CACNG5: variants seen among roughly 807,000 people sequenced by gnomAD.
The protein encoded by CACNG5 is voltage-dependent calcium channel gamma-5 subunit.
A neutral mutation model predicts 24.8 loss-of-function variants in CACNG5; 18 were observed. The ratio of observed to expected loss-of-function variants is 0.73; its 90% CI spans 0.50 to 1.08. The LOEUF (loss-of-function observed/expected upper bound fraction) is 1.08, where lower values mean the gene tolerates loss of function less well. CACNG5 is among the 50% of genes least tolerant of loss of function. CACNG5 has a pLI of 0.00. For synonymous variants in CACNG5, 157 were observed against 149.1 expected (o/e 1.05, Z -0.39); for missense variants, 349 against 367.9 (o/e 0.95, Z 0.42).
chr17:66,862,493 A>C (rs946461626), intron 1 of CACNG5, among the ~76,000 whole-genome samples: 1 of 152,002 alleles, frequency 6.6e-6, no homozygotes, highest in Non-Finnish European at 1.5e-5. Flanking sequence ...GCACATACAT[A>C]AACACATATA....
At chr17:66,860,009 G>T (rs554079964) in intron 1 of CACNG5, among the ~76,000 whole-genome samples, 3 of 152,224 alleles carry the variant, frequency 2.0e-5, no homozygotes, top group Admixed American at 6.5e-5. Context: ...CTTATCTTAG[G>T]CAAGAAGCTG....
chr17:66,871,457 T>C (rs1977005764), intron 1 of CACNG5, among the ~76,000 whole-genome samples: 1 of 152,164 alleles, frequency 6.6e-6, no homozygotes, highest in African/African-American at 2.4e-5. Flanking sequence ...ATAACTGGGC[T>C]CTCACTTGCT....
Position 66,885,549 on chromosome 17 carries a change from G to T in CACNG5, c.*309G>T. ...GCTCCCCCCAAGCCCAGGAGACACCGATGTTCCCTTTGTATATTCTTCCTG... is the reference window on the plus strand; with the variant it reads ...GCTCCCCCCAAGCCCAGGAGACACCTATGTTCCCTTTGTATATTCTTCCTG... On this transcript the variant is annotated 3_prime_UTR_variant, in exon 6 of 6. Coordinates refer to ENST00000533854, the MANE Select transcript of CACNG5 (RefSeq NM_145811.3). 1 of 370,938 alleles carries T rather than the reference G, an allele frequency of 2.7e-6. No individual in the cohort carries two copies. The highest frequency in any genetic ancestry group is 4.9e-6 in the Non-Finnish European group (1 of 205,930). 23.0% of individuals were successfully genotyped at this position (370,938 alleles called of 1,614,324 possible). A position where few individuals can be genotyped will look rare whatever the true frequency, so the allele number is the denominator to read the frequency against.
chr17:66,877,004 T>C (rs987645129), intron 1 of CACNG5, among the ~76,000 whole-genome samples: 11 of 152,044 alleles, frequency 7.2e-5, no homozygotes, highest in Non-Finnish European at 1.3e-4. Flanking sequence ...AATGAATGAA[T>C]GAATGAATGA....
Position 66,884,680 on chromosome 17 carries a change from A to C in CACNG5, c.570+19A>C. The C allele has an allele frequency of 6.2e-6, 10 of 1,614,200 alleles. No homozygotes were observed. The highest frequency in any genetic ancestry group is 8.5e-6 in the Non-Finnish European group (10 of 1,180,032). On this transcript the variant is annotated intron_variant, in intron 5 of 5. Transcript: ENST00000533854. ...AACGGAGGTAAAGCCCGTCACCCTA[A>C]GTATGGATAGGCTGGGCCTGGGCAC...
chr17:66,877,511 G>A lies in CACNG5; in HGVS notation c.179G>A (p.Arg60Gln), dbSNP rs749015036. Residue 60 changes from arginine to glutamine, a missense_variant, in exon 2 of 6, where the codon CGG (arginine) becomes CAG (glutamine). Transcript: ENST00000533854. ...IKMSLHSGLWRVCFLAGEERG... is the reference protein window; with the variant it reads ...IKMSLHSGLWQVCFLAGEERG... ...ATGTCCCTGCACTCAGGCCTCTGGC[G>A]GGTCTGCTTCCTTGCAGGTAAGGGT... 2.9e-5 allele frequency: 46 copies of A among 1,613,606 alleles called. No individual in the cohort carries two copies. Among genetic ancestry groups the A allele is most frequent in the Admixed American group, 5.0e-5 (3 of 59,980 alleles).
chr17:66,871,717 G>A (rs1165334008), intron 1 of CACNG5, among the ~76,000 whole-genome samples: 2 of 152,042 alleles, frequency 1.3e-5, no homozygotes, highest in African/African-American at 2.4e-5. Flanking sequence ...AAAATTAGCC[G>A]GGCGTGGTGG....
Position 66,877,268 on chromosome 17 carries a change from G to A in CACNG5, c.-65G>A. On this transcript the variant is annotated 5_prime_UTR_variant, in exon 2 of 6. Coordinates refer to ENST00000533854, the MANE Select transcript of CACNG5 (RefSeq NM_145811.3). ...GCCACCTGCTCACCCACTCTCCCTA[G>A]CCCCAGAGCGCAGTCCGTGCTGGTG... The A allele has an allele frequency of 7.1e-7, 1 of 1,407,648 alleles. No individual in the cohort carries two copies. 87.2% of individuals were successfully genotyped at this position (1,407,648 alleles called of 1,614,324 possible). A position where few individuals can be genotyped will look rare whatever the true frequency, so the allele number is the denominator to read the frequency against.
chr17:66,836,310 C>G (rs970680808), intron 1 of CACNG5, among the ~76,000 whole-genome samples: 1 of 152,238 alleles, frequency 6.6e-6, no homozygotes, highest in Non-Finnish European at 1.5e-5. Flanking sequence ...GGCTTCTGCT[C>G]CACATCCATC....
At chr17:66,861,635 G>C (rs1976860503) in intron 1 of CACNG5, among the ~76,000 whole-genome samples, 1 of 152,218 alleles carries the variant, frequency 6.6e-6, no homozygotes, top group South Asian at 2.1e-4. Flanking sequence ...TAGATGACCA[G>C]TGTCACTAGA....
chr17:66,877,302 G>A lies in CACNG5; in HGVS notation c.-31G>A, dbSNP rs143212476. ...CGCAGTCCGTGCTGGTGGGAGCGTG[G>A]CGACTAGTTGCACAGCAACGGTCCA... On this transcript the variant is annotated 5_prime_UTR_variant, in exon 2 of 6. Coordinates refer to ENST00000533854, the MANE Select transcript of CACNG5 (RefSeq NM_145811.3). The A allele has an allele frequency of 1.3e-6, 2 of 1,597,798 alleles. No individual in the cohort carries two copies. The highest frequency in any genetic ancestry group is 1.1e-5 in the South Asian group (1 of 89,862).
intron 3 of CACNG5, among the ~76,000 whole-genome samples, chr17:66,879,862 C>T (rs1443077934): frequency 6.6e-6 from 1 of 152,074 alleles, no homozygotes; most frequent in Non-Finnish European, 1.5e-5. Flanking sequence ...CCCTCTAGCC[C>T]CTTACCTTGC....
chr17:66,863,897 G>A (rs1056263795), intron 1 of CACNG5, among the ~76,000 whole-genome samples: 1 of 152,096 alleles, frequency 6.6e-6, no homozygotes, highest in African/African-American at 2.4e-5. Flanking sequence ...CATTCTAAGT[G>A]GACGATTACT....
In CACNG5 at chr17:66,863,183, A is replaced by T. The variant is rs558427363; in HGVS notation, c.-103-14047A>T. ...ACTTTGCTTTACCCAACAAGTTTTG[A>T]TAAGTTATGTGTCTATCATTATTCA... On this transcript the variant is annotated intron_variant, in intron 1 of 5. Coordinates refer to ENST00000533854, the MANE Select transcript of CACNG5 (RefSeq NM_145811.3). 3.2e-4 allele frequency among the ~76,000 whole-genome samples: 49 copies of T among 152,154 alleles called. 1 individual carries two copies. The Middle Eastern group carries it at 0.014, about 43-fold the overall frequency.
chr17:66,880,658 A>G lies in CACNG5; in HGVS notation c.385A>G (p.Ile129Val). 1 of 1,614,210 alleles carries G rather than the reference A, an allele frequency of 6.2e-7. No individual in the cohort carries two copies. Among genetic ancestry groups the G allele is most frequent in the Non-Finnish European group, 8.5e-7 (1 of 1,180,024 alleles). Residue 129 changes from isoleucine to valine, a missense_variant, in exon 4 of 6, where the codon ATA (isoleucine) becomes GTA (valine). By Grantham distance (29) the Ile-to-Val change is conservative. Coordinates refer to ENST00000533854, the MANE Select transcript of CACNG5 (RefSeq NM_145811.3). ...NIGHIRPHRT[I>V]LAFVSGIFFI... Reference sequence around the variant, plus strand: ...CGGACACATCCGTCCCCACCGGACGATACTGGCCTTTGTCTCTGGCATCTT... The same window carrying G: ...CGGACACATCCGTCCCCACCGGACGGTACTGGCCTTTGTCTCTGGCATCTT...
rs567696446 is a variant in CACNG5 at position 66,862,419 on chromosome 17, A to G, written c.-103-14811A>G. On this transcript the variant is annotated intron_variant, in intron 1 of 5. Coordinates refer to ENST00000533854, the MANE Select transcript of CACNG5 (RefSeq NM_145811.3). The stretch of plus-strand genomic sequence containing the variant: ...GTGTCACTTACAAGCTGCCTTAGAG[A>G]GCTCTCTGTCTCTCTGTATATGTGT... 4.6e-5 allele frequency among the ~76,000 whole-genome samples: 7 copies of G among 151,356 alleles called. No individual in the cohort carries two copies. The South Asian group carries it at 1.3e-3, about 27-fold the overall frequency.
At chr17:66,862,356 T>A (rs552027491) in intron 1 of CACNG5, among the ~76,000 whole-genome samples, 3,120 of 96,772 alleles carry the variant, frequency 0.032, 45 homozygotes, top group Middle Eastern at 0.059. Flanking sequence ...ATGAATCCAA[T>A]CCAGCTTGTG....
At chr17:66,838,413 A>AG (rs1360612587) in intron 1 of CACNG5, among the ~76,000 whole-genome samples, 1 of 151,072 alleles carries the variant, frequency 6.6e-6, no homozygotes, top group African/African-American at 2.4e-5. Flanking sequence ...AGCAAGCAGA[A>AG]GGGGGGACAG....
rs911263526 is a variant in CACNG5, at chr17:66,881,670, A to C, written c.424+973A>C. Among the ~76,000 whole-genome samples the C allele has an allele frequency of 3.9e-5, 6 of 152,212 alleles. No individual in the cohort carries two copies. In the East Asian group the frequency reaches 9.6e-4, roughly 24 times the overall value. ...AAGATAGGAACCCAGTGTGAATAGG[A>C]CTATGAATGGTGGCCAGCAAGGACT... On this transcript the variant is annotated intron_variant, in intron 4 of 5. Coordinates refer to ENST00000533854, the MANE Select transcript of CACNG5 (RefSeq NM_145811.3).
Sources: gnomAD v4.1 joint callset for allele counts (sites outside exome capture counted in the v4.1 genomes callset) on GRCh38, gnomAD v4.1.1 for gene constraint, MANE v1.5 for transcripts, NCBI Gene and HGNC (gene_info 2026-07-23, HGNC 2026-07-21) for gene names.